ACTR3C: variants seen among roughly 807,000 people sequenced by gnomAD.
ACTR3C encodes the protein actin related protein 3C.
ACTR3C carries 18 observed loss-of-function variants against 26.3 expected under a neutral mutation model. The observed-to-expected ratio is 0.68, with a 90% CI of 0.47 to 1.01. The LOEUF (loss-of-function observed/expected upper bound fraction) is 1.01, where lower values mean the gene tolerates loss of function less well. Among genes scored for constraint, ACTR3C ranks in the 50% least tolerant of loss-of-function variants. ACTR3C has a pLI of 0.00. For missense variants in ACTR3C, 184 were observed against 250.7 expected, an observed-to-expected ratio of 0.73 and a Z score of 1.80; for synonymous variants, 55 against 94.5, an observed-to-expected ratio of 0.58 and a Z score of 2.42.
the ACTR3C span, among the ~76,000 whole-genome samples, chr7:150,203,868 G>A: frequency 4.6e-5 from 7 of 152,052 alleles, no homozygotes; most frequent in East Asian, 1.9e-4. Context: ...CACCACACCC[G>A]GCCCGGGCAC....
the ACTR3C span, among the ~76,000 whole-genome samples, chr7:150,028,051 A>G: frequency 6.6e-6 from 1 of 152,304 alleles, no homozygotes; most frequent in Admixed American, 6.5e-5. Context: ...CCACCAGAAA[A>G]CACTCTTCAT....
the ACTR3C span, among the ~76,000 whole-genome samples, chr7:149,977,635 C>T: frequency 6.6e-6 from 1 of 152,344 alleles, no homozygotes; most frequent in South Asian, 2.1e-4. Flanking sequence ...CCTCCCAGGT[C>T]TCATGGCTTC....
chr7:150,045,345 C>A, the ACTR3C span, among the ~76,000 whole-genome samples: 1 of 152,182 alleles, frequency 6.6e-6, no homozygotes, highest in African/African-American at 2.4e-5. Context: ...AAGAAGAGTG[C>A]ATAAAAGTTT....
At chr7:150,037,841 G>A in the ACTR3C span, among the ~76,000 whole-genome samples, 4 of 86,878 alleles carry the variant, frequency 4.6e-5, no homozygotes, top group African/African-American at 1.6e-4. Context: ...CTGCCTCGCG[G>A]AGGGTGCCTC....
the ACTR3C span, among the ~76,000 whole-genome samples, chr7:149,951,815 T>C: frequency 6.7e-6 from 1 of 150,036 alleles, no homozygotes; most frequent in Non-Finnish European, 1.5e-5. Flanking sequence ...AGATGGTGTG[T>C]AGGCGCCAGG....
chr7:149,985,426 A>G, the ACTR3C span, among the ~76,000 whole-genome samples: 2 of 152,182 alleles, frequency 1.3e-5, no homozygotes, highest in Admixed American at 1.3e-4. Context: ...TTGACTGTTT[A>G]CTATCTGCCA....
chr7:150,094,279 C>A, the ACTR3C span, among the ~76,000 whole-genome samples: 2 of 149,780 alleles, frequency 1.3e-5, no homozygotes, highest in East Asian at 3.9e-4. Context: ...AGAGTGAAAT[C>A]TATTTCTGCC....
the ACTR3C span, among the ~76,000 whole-genome samples, chr7:150,014,387 C>T: frequency 1.4e-5 from 2 of 147,476 alleles, no homozygotes; most frequent in Non-Finnish European, 3.0e-5. Context: ...ACCCGGAAGA[C>T]AGAGCTTGCA....
the ACTR3C span, among the ~76,000 whole-genome samples, chr7:150,163,209 A>G: frequency 6.6e-6 from 1 of 152,030 alleles, no homozygotes; most frequent in Non-Finnish European, 1.5e-5. Context: ...TAGAGGGTGG[A>G]CAGGGAGGAC....
chr7:149,902,565 G>A, the ACTR3C span, among the ~76,000 whole-genome samples: 11 of 19,982 alleles, frequency 5.5e-4, no homozygotes, highest in African/African-American at 6.4e-4. Context: ...AGACCAGCCT[G>A]GGCAACAAGA....
chr7:150,100,685 AG>A, the ACTR3C span, among the ~76,000 whole-genome samples: 1 of 144,454 alleles, frequency 6.9e-6, no homozygotes, highest in South Asian at 2.3e-4. Context: ...TCCACCTTTG[AG>A]GAGCTTGAGT....
chr7:150,245,685 C>A (rs371195847), downstream of ACTR3C: 2 of 151,924 alleles, frequency 1.3e-5, no homozygotes, highest in Non-Finnish European at 2.9e-5. Flanking sequence ...CATTTTGGTC[C>A]GGGCTTTTTT....
At chr7:150,213,003 A>C in the ACTR3C span, among the ~76,000 whole-genome samples, 1 of 151,378 alleles carries the variant, frequency 6.6e-6, no homozygotes, top group Non-Finnish European at 1.5e-5. Flanking sequence ...CCAGCATAGG[A>C]GGAACTAGAC....
At chr7:150,117,345 G>A in the ACTR3C span, among the ~76,000 whole-genome samples, 5 of 152,320 alleles carry the variant, frequency 3.3e-5, no homozygotes, top group South Asian at 2.1e-4. Context: ...TAAAGTTCTC[G>A]CTGCCAGCAC....
chr7:149,902,826 T>C, the ACTR3C span, among the ~76,000 whole-genome samples: 1 of 94,744 alleles, frequency 1.1e-5, no homozygotes, highest in Non-Finnish European at 2.5e-5. Flanking sequence ...CCACGTGTGG[T>C]CCCAGCTACT....
the ACTR3C span, among the ~76,000 whole-genome samples, chr7:150,126,807 G>T: frequency 6.6e-6 from 1 of 152,162 alleles, no homozygotes; most frequent in Non-Finnish European, 1.5e-5. Context: ...CTTGTCTGTG[G>T]TATGTTCACG....
chr7:150,105,331 C>T, the ACTR3C span, among the ~76,000 whole-genome samples: 20,954 of 151,850 alleles, frequency 0.14, 1,688 homozygotes, highest in South Asian at 0.17. Context: ...ATCCACCCGC[C>T]TCGGCCTCCC....
At chr7:149,886,310 T>C in the ACTR3C span, among the ~76,000 whole-genome samples, 3 of 152,228 alleles carry the variant, frequency 2.0e-5, no homozygotes, top group Non-Finnish European at 2.9e-5. Flanking sequence ...GGGGCCTGCT[T>C]ATGTATCTGC....
chr7:150,297,395 A>G (rs1212031878), intron 1 of ACTR3C, among the ~76,000 whole-genome samples: 2 of 151,446 alleles, frequency 1.3e-5, no homozygotes, highest in Non-Finnish European at 2.9e-5. Context: ...GAAAAAATAT[A>G]TATCCTTAAA....
Sources: gnomAD v4.1 joint callset for allele counts (sites outside exome capture counted in the v4.1 genomes callset) on GRCh38, gnomAD v4.1.1 for gene constraint, MANE v1.5 for transcripts, NCBI Gene and HGNC (gene_info 2026-07-23, HGNC 2026-07-21) for gene names.